The following TADA3 variants were observed in gnomAD, a reference collection of about 807,000 sequenced individuals.
TADA3 encodes the protein transcriptional adaptor 3.
A neutral mutation model predicts 43.2 loss-of-function variants in TADA3; 25 were observed. That is an observed-to-expected ratio of 0.58 (90% CI 0.42 to 0.81). The LOEUF is 0.81. Ranked by LOEUF, TADA3 falls within the 30% of genes least tolerant of loss-of-function variation. The pLI, the probability that TADA3 is intolerant of heterozygous loss-of-function variation, is 0.00. For synonymous variants in TADA3, 235 were observed against 225.5 expected (o/e 1.04, Z -0.38); for missense variants, 441 against 567.8 (o/e 0.78, Z 2.27).
At chr3:9,790,537 C>G (rs1454736652) in intron 2 of TADA3, among the ~76,000 whole-genome samples, 1 of 152,220 alleles carries the variant, frequency 6.6e-6, no homozygotes, top group Non-Finnish European at 1.5e-5. Context: ...CCATAAGCTA[C>G]TGAGGACCAG....
Position 9,780,626 on chromosome 3 carries a change from T to G in TADA3, c.1107-77A>C, listed in dbSNP as rs1472529137. On this transcript the variant is annotated intron_variant, in intron 8 of 8. Coordinates refer to ENST00000301964, the MANE Select transcript of TADA3 (RefSeq NM_006354.5). ...ACCCCTCCCTCTTCAAGACCGAGCCTACCCACCAGCCCAGGCTGGCATGCC... is the reference window on the plus strand; with the variant it reads ...ACCCCTCCCTCTTCAAGACCGAGCCGACCCACCAGCCCAGGCTGGCATGCC... 9 of 1,447,722 alleles carry G rather than the reference T, an allele frequency of 6.2e-6. No homozygotes were observed. In the Admixed American group the frequency reaches 1.8e-4, roughly 29 times the overall value. The allele number at this position is 1,447,722 out of a possible 1,614,324, so 89.7% of individuals were successfully genotyped here. A position where few individuals can be genotyped will look rare whatever the true frequency, so the allele number is the denominator to read the frequency against.
At chr3:9,786,448 A>G (rs768960589) in intron 6 of TADA3, among the ~76,000 whole-genome samples, 1 of 152,192 alleles carries the variant, frequency 6.6e-6, no homozygotes, top group Non-Finnish European at 1.5e-5. Flanking sequence ...ACTGAGTCTC[A>G]ATGAGGTGAA....
chr3:9,789,492 A>T lies in TADA3; in HGVS notation c.564+17T>A. On this transcript the variant is annotated intron_variant, in intron 4 of 8. Transcript: ENST00000301964. ...CTCTTGTTCCGCATCATGTCTATCAAGGCCCAGAGTTTCTACCTTGTAATG... is the reference window on the plus strand; with the variant it reads ...CTCTTGTTCCGCATCATGTCTATCATGGCCCAGAGTTTCTACCTTGTAATG... 6.2e-7 allele frequency: 1 copy of T among 1,608,576 alleles called. No individual in the cohort carries two copies. Among genetic ancestry groups the T allele is most frequent in the Non-Finnish European group, 8.5e-7 (1 of 1,176,010 alleles).
chr3:9,786,701 G>A (rs905406590), intron 6 of TADA3, among the ~76,000 whole-genome samples: 20 of 152,182 alleles, frequency 1.3e-4, no homozygotes. Context: ...GGGGAAAGTT[G>A]GAGAAAAACA....
upstream of TADA3, chr3:9,792,841 A>G: frequency 7.4e-7 from 1 of 1,358,440 alleles, no homozygotes; most frequent in Non-Finnish European, 9.4e-7. Context: ...GCTGTGGCAA[A>G]GGTGACAAGA....
intron 7 of TADA3, 119 bp from the exon 8 acceptor site, chr3:9,784,332 CTG>C: frequency 7.6e-7 from 1 of 1,319,568 alleles, no homozygotes; most frequent in Non-Finnish European, 1.0e-6. Context: ...GGCACCCCCT[CTG>C]TATCTATCCA....
chr3:9,787,257 C>T lies in TADA3; in HGVS notation c.648G>A (p.Ala216=), dbSNP rs770600756. The T allele has an allele frequency of 3.8e-5, 62 of 1,614,214 alleles. No individual in the cohort carries two copies. Among genetic ancestry groups the T allele is most frequent in the Middle Eastern group, 3.3e-4 (2 of 6,060 alleles). ...LEEQKDGARA[A]AVADKKKGLM... The stretch of plus-strand genomic sequence containing the variant: ...GGCCTTTCTTCTTGTCAGCCACAGC[C>T]GCTGCCCGGGCCCCATCCTTCTGCT... The change falls in exon 5 of 9, where the codon GCG becomes GCA. Residue 216 remains alanine (A), a synonymous_variant. Coordinates refer to ENST00000301964, the MANE Select transcript of TADA3 (RefSeq NM_006354.5).
chr3:9,783,868 T>C (rs1287535554), intron 8 of TADA3, 160 bp downstream of exon 8: 5 of 1,286,162 alleles, frequency 3.9e-6, no homozygotes, highest in Middle Eastern at 5.6e-4. Flanking sequence ...GTTTGGGACA[T>C]ACCCGGTGGA....
rs1438869846 is a variant in TADA3, at chr3:9,786,715, G to A, written c.810+291C>T. ...TGGGGAAAGTTGGAGAAAAACAGGG[G>A]CATGAGAGGGGCTTCTAGGATATAG... On this transcript the variant is annotated intron_variant, in intron 6 of 8. Transcript: ENST00000301964. 2.0e-5 allele frequency among the ~76,000 whole-genome samples: 3 copies of A among 152,318 alleles called. No homozygotes were observed. In the East Asian group the frequency reaches 5.8e-4, roughly 29 times the overall value.
chr3:9,791,581 C>T (rs2078735146), intron 1 of TADA3, 88 bp from the exon 2 acceptor site: 1 of 769,508 alleles, frequency 1.3e-6, no homozygotes. Context: ...CTCAAGGAAG[C>T]CCAGCTTCAG....
intron 7 of TADA3, among the ~76,000 whole-genome samples, chr3:9,784,821 G>A (rs1164924978): frequency 4.0e-5 from 6 of 149,918 alleles, no homozygotes; most frequent in East Asian, 3.9e-4. Flanking sequence ...CCAAGATTGC[G>A]CCATTGCGCT....
intron 7 of TADA3, among the ~76,000 whole-genome samples, chr3:9,784,558 C>T (rs1351137696): frequency 1.3e-5 from 2 of 151,912 alleles, no homozygotes; most frequent in Non-Finnish European, 2.9e-5. Context: ...CCCTTATGTG[C>T]ACATATTTAA....
chr3:9,784,796 G>A (rs943003475), intron 7 of TADA3, among the ~76,000 whole-genome samples: 2 of 151,688 alleles, frequency 1.3e-5, no homozygotes, highest in East Asian at 1.9e-4. Flanking sequence ...CCTGGGAGGC[G>A]GAGGTTGCAG....
intron 6 of TADA3, among the ~76,000 whole-genome samples, chr3:9,786,015 T>C (rs7610826): frequency 0.21 from 31,715 of 151,944 alleles, 3,790 homozygotes; most frequent in East Asian, 0.57. Flanking sequence ...TTCGGCTTAC[T>C]GCAAGCTCCG....
intron 6 of TADA3, among the ~76,000 whole-genome samples, chr3:9,786,597 C>T (rs890361826): frequency 6.6e-6 from 1 of 152,176 alleles, no homozygotes; most frequent in African/African-American, 2.4e-5. Context: ...TGTAACACAG[C>T]GTTAACCACT....
At chr3:9,787,867 T>C in intron 4 of TADA3, 2 of 464,522 alleles carry the variant, frequency 4.3e-6, no homozygotes, top group Non-Finnish European at 7.7e-6. Flanking sequence ...ATCAGGGCCT[T>C]GAAGGGTGAG....
Position 9,789,952 on chromosome 3 carries a change from G to A in TADA3, c.219C>T (p.Asp73=), listed in dbSNP as rs748378547. The change falls in exon 3 of 9, where the codon GAC becomes GAT. Residue 73 remains aspartate, a synonymous_variant. Transcript: ENST00000301964. ...GTCTGTCACCTTTCTTATCCTGCCA[G>A]TCGGTGAGGATCTGAAATTTACAGA... ...VLEAETQILT[D]WQDKKGDRRF... The A allele has an allele frequency of 6.3e-7, 1 of 1,596,096 alleles. No individual in the cohort carries two copies.
At chr3:9,781,993 CCTAG>C (rs931393385) in intron 8 of TADA3, among the ~76,000 whole-genome samples, 1 of 151,958 alleles carries the variant, frequency 6.6e-6, no homozygotes, top group African/African-American at 2.4e-5. Context: ...TGCCACCATG[CCTAG>C]CTGATTTTTA....
intron 4 of TADA3, chr3:9,787,999 T>C (rs1022784559): frequency 1.6e-5 from 5 of 313,348 alleles, no homozygotes; most frequent in African/African-American, 8.7e-5. Flanking sequence ...AACACGGCAA[T>C]GAAGAGGGAT....
Sources: allele counts gnomAD v4.1 joint callset (sites outside exome capture counted in the v4.1 genomes callset), GRCh38; gene constraint gnomAD v4.1.1; transcripts MANE v1.5; gene names NCBI Gene and HGNC (gene_info 2026-07-23, HGNC 2026-07-21).